LARP4B: variants seen among roughly 807,000 people sequenced by gnomAD.
LARP4B encodes the protein la-related protein 4B.
A neutral mutation model predicts 89.8 loss-of-function variants in LARP4B; 12 were observed. That is an observed-to-expected ratio of 0.13 (90% CI 0.09 to 0.22). The LOEUF is 0.22. Ranked by LOEUF, LARP4B falls within the 10% of genes least tolerant of loss-of-function variation. The pLI is 1.00. For missense variants in LARP4B, 757 were observed against 947.7 expected (o/e 0.80, Z 2.64); for synonymous variants, 367 against 363.3 (o/e 1.01, Z -0.12).
rs756716559 is a variant in LARP4B, at chr10:817,719, C to A, written c.1695+6G>T. 4 of 1,613,502 alleles carry A rather than the reference C, an allele frequency of 2.5e-6. No individual in the cohort carries two copies. The South Asian group carries it at 3.3e-5, about 13-fold the overall frequency. On this transcript the variant is annotated splice_donor_region_variant and intron_variant, in intron 15 of 17. Transcript: ENST00000316157. ...GCAACTATTAGACATGCAATATATC[C>A]CTTACCCTTTCTTTGGATGGTCCTA...
intron 1 of LARP4B, among the ~76,000 whole-genome samples, chr10:913,075 T>C (rs543572536): frequency 1.3e-5 from 2 of 152,188 alleles, no homozygotes; most frequent in African/African-American, 4.8e-5. Context: ...CCCTTTTTGA[T>C]TCAACAAATA....
At chr10:866,551 T>A (rs985230412) in intron 3 of LARP4B, among the ~76,000 whole-genome samples, 1 of 152,232 alleles carries the variant, frequency 6.6e-6, no homozygotes, top group Non-Finnish European at 1.5e-5. Flanking sequence ...CCGCTCCACC[T>A]GATCTGTTGT....
intron 1 of LARP4B, among the ~76,000 whole-genome samples, chr10:928,153 C>T (rs562486018): frequency 6.7e-6 from 1 of 150,372 alleles, no homozygotes; most frequent in African/African-American, 2.5e-5. Context: ...ACCCGAGAGG[C>T]GGAGGATGCA....
chr10:849,565 C>G (rs564358466), intron 5 of LARP4B, among the ~76,000 whole-genome samples: 1 of 152,128 alleles, frequency 6.6e-6, no homozygotes, highest in Non-Finnish European at 1.5e-5. Flanking sequence ...AAATAATTTA[C>G]GAAGATTCGT....
At chr10:981,513 A>G in the LARP4B span, among the ~76,000 whole-genome samples, 1 of 152,188 alleles carries the variant, frequency 6.6e-6, no homozygotes, top group Admixed American at 6.5e-5. Flanking sequence ...ACTAAGTAAT[A>G]TTTAGATAAC....
At chr10:867,607 T>C (rs1354015682) in intron 3 of LARP4B, among the ~76,000 whole-genome samples, 1 of 152,154 alleles carries the variant, frequency 6.6e-6, no homozygotes, top group Non-Finnish European at 1.5e-5. Context: ...ATGCCTGCGA[T>C]CCCAGCATGT....
intron 5 of LARP4B, among the ~76,000 whole-genome samples, chr10:848,959 G>A (rs570668301): frequency 6.6e-6 from 1 of 152,270 alleles, no homozygotes; most frequent in Admixed American, 6.5e-5. Flanking sequence ...TATATTGTCA[G>A]TTTATAGCAT....
Position 815,194 on chromosome 10 carries a change from G to A in LARP4B, c.1696-124C>T, listed in dbSNP as rs758438725. 95 of 1,140,460 alleles carry A rather than the reference G, an allele frequency of 8.3e-5. 1 individual carries two copies. Among genetic ancestry groups the A allele is most frequent in the South Asian group, 1.0e-4 (5 of 47,782 alleles). The allele number at this position is 1,140,460 out of a possible 1,614,324, so 70.6% of individuals were successfully genotyped here. On this transcript the variant is annotated intron_variant, in intron 15 of 17. Transcript: ENST00000316157. Reference sequence around the variant, plus strand: ...CAGCACAAGGACATAGGGGAAGAGGGTCTTCTCCAGCAAAAATGTCACAGA... The same window carrying A: ...CAGCACAAGGACATAGGGGAAGAGGATCTTCTCCAGCAAAAATGTCACAGA...
chr10:860,875 G>C (rs953983078), intron 5 of LARP4B, among the ~76,000 whole-genome samples: 16 of 152,110 alleles, frequency 1.1e-4, no homozygotes, highest in Admixed American at 1.0e-3. Context: ...CAGACCACTG[G>C]GCCGGGCATG....
At chr10:807,606 T>C, downstream of LARP4B, 1 of 152,456 alleles carries the variant, frequency 6.6e-6, no homozygotes, top group Non-Finnish European at 1.5e-5. Context: ...AGGCCCAGCC[T>C]GTATCAGGAT....
chr10:970,807 C>T, the LARP4B span, among the ~76,000 whole-genome samples: 13 of 151,880 alleles, frequency 8.6e-5, no homozygotes, highest in African/African-American at 2.2e-4. Flanking sequence ...CAAGCAGAGC[C>T]AGAGGGATTA....
At chr10:867,862 GAAAAAAAAAA>G (rs903762145) in intron 3 of LARP4B, among the ~76,000 whole-genome samples, 2 of 43,356 alleles carry the variant, frequency 4.6e-5, no homozygotes, top group Admixed American at 2.7e-4. Context: ...CTCCATCCTT[GAAAAAAAAAA>G]AAAAAAAAAA....
chr10:815,877 A>C (rs996642218), intron 15 of LARP4B, among the ~76,000 whole-genome samples: 19 of 152,374 alleles, frequency 1.2e-4, no homozygotes, highest in African/African-American at 4.3e-4. Flanking sequence ...GACCAGCAGG[A>C]ATCCAGCTTG....
the LARP4B span, among the ~76,000 whole-genome samples, chr10:945,477 G>T: frequency 6.6e-6 from 1 of 151,970 alleles, no homozygotes; most frequent in Non-Finnish European, 1.5e-5. Flanking sequence ...ACAAGGTCAG[G>T]AGATCGAGAC....
At chr10:897,067 G>A (rs1458940532) in intron 1 of LARP4B, among the ~76,000 whole-genome samples, 1 of 148,680 alleles carries the variant, frequency 6.7e-6, no homozygotes, top group East Asian at 2.0e-4. Flanking sequence ...ACCCAGAATA[G>A]CCAAAGCAAT....
At chr10:980,352 C>T in the LARP4B span, among the ~76,000 whole-genome samples, 1 of 152,218 alleles carries the variant, frequency 6.6e-6, no homozygotes, top group Admixed American at 6.5e-5. Flanking sequence ...AGGCAGTGCC[C>T]CAGTGGGGAC....
intron 7 of LARP4B, among the ~76,000 whole-genome samples, chr10:838,090 T>C (rs1833324146): frequency 6.6e-6 from 1 of 152,216 alleles, no homozygotes; most frequent in Non-Finnish European, 1.5e-5. Context: ...GACATCCACA[T>C]GCAGAAAATT....
chr10:941,224 T>C, the LARP4B span, among the ~76,000 whole-genome samples: 3 of 152,224 alleles, frequency 2.0e-5, no homozygotes, highest in African/African-American at 7.2e-5. Flanking sequence ...TTGTCACCTA[T>C]TGTGTTCATG....
Position 843,080 on chromosome 10 carries a change from A to G in LARP4B, c.510-12T>C, listed in dbSNP as rs766914930. 1.9e-6 allele frequency: 3 copies of G among 1,610,974 alleles called. No individual in the cohort carries two copies. On this transcript the variant is annotated splice_polypyrimidine_tract_variant and intron_variant, in intron 6 of 17. Transcript: ENST00000316157. ...TAGCAAGGTTCTCCCTGTTGAAAGA[A>G]AACAATCTCTTTTAATCAGTATTTC...
Sources: gnomAD v4.1 joint callset for allele counts (sites outside exome capture counted in the v4.1 genomes callset) on GRCh38, gnomAD v4.1.1 for gene constraint, MANE v1.5 for transcripts, NCBI Gene and HGNC (gene_info 2026-07-23, HGNC 2026-07-21) for gene names.